The following CLU variants were observed in gnomAD, a reference collection of about 807,000 sequenced individuals.
CLU encodes clusterin, also known as aging-associated protein 4.
A neutral mutation model predicts 46.4 loss-of-function variants in CLU; 25 were observed. The observed-to-expected ratio is 0.54, with a 90% CI of 0.39 to 0.75. The LOEUF is 0.75. Ranked by LOEUF, CLU falls within the 30% of genes least tolerant of loss-of-function variation. CLU has a pLI of 0.00. For synonymous variants in CLU, 235 were observed against 235.1 expected (o/e 1.00, Z 0.00); for missense variants, 504 against 592.1 (o/e 0.85, Z 1.54).
intron 6 of CLU, among the ~76,000 whole-genome samples, chr8:27,600,999 C>T (rs1208834835): frequency 2.6e-5 from 4 of 152,228 alleles, no homozygotes; most frequent in Non-Finnish European, 1.5e-5. Flanking sequence ...TCTTCAGCTC[C>T]TAAGCTTGGG....
In CLU at chr8:27,604,816, T is replaced by A. The variant is rs9331914; in HGVS notation, c.829+108A>T. The A allele has an allele frequency of 2.6e-3, 3,225 of 1,260,516 alleles. 62 individuals are homozygous for A. The East Asian group carries it at 0.029, about 11-fold the overall frequency. 78.1% of individuals were successfully genotyped at this position (1,260,516 alleles called of 1,614,324 possible). A position where few individuals can be genotyped will look rare whatever the true frequency, so the allele number is the denominator to read the frequency against. ...TCTTTAAATAAGGATAATATCACCC[T>A]TGTGATATTGCTGGAGAAAAATCGA... On this transcript the variant is annotated intron_variant, in intron 5 of 8. Transcript: ENST00000316403.
intron 1 of CLU, among the ~76,000 whole-genome samples, chr8:27,612,976 C>T (rs944877460): frequency 2.5e-4 from 25 of 98,276 alleles, no homozygotes; most frequent in African/African-American, 7.8e-4. Context: ...GCAGGGGGGG[C>T]GGGGGGAGCA....
At chr8:27,612,188 T>C (rs565472985) in intron 1 of CLU, among the ~76,000 whole-genome samples, 1 of 152,214 alleles carries the variant, frequency 6.6e-6, no homozygotes, top group East Asian at 1.9e-4. Context: ...ACCCTAGCGG[T>C]GAGGCTGAAG....
chr8:27,599,959 C>T lies in CLU; in HGVS notation c.985G>A (p.Glu329Lys), dbSNP rs1476182021. 2.5e-6 allele frequency: 4 copies of T among 1,614,162 alleles called. No individual in the cohort carries two copies. The highest frequency in any genetic ancestry group is 1.1e-5 in the South Asian group (1 of 91,064). The stretch of plus-strand genomic sequence containing the variant: ...AACCTCTCAGCGACCTGGAGGGATT[C>T]GTCGAGCTCCCGCCGCAGCTTAGCC... ...SQAKLRRELD[E>K]SLQVAERLTR... The change falls in exon 7 of 9, where the codon GAA (glutamate) becomes AAA (lysine). Residue 329 changes from glutamate (E) to lysine (K), a missense_variant. Coordinates refer to ENST00000316403, the MANE Select transcript of CLU (RefSeq NM_001831.4). This position sits in a 1 kb window ranked among gnomAD's most constrained non-coding sequence, Gnocchi z 4.0.
At chr8:27,598,433 G>T in intron 8 of CLU, 27 bp downstream of exon 8, 4 of 1,613,564 alleles carry the variant, frequency 2.5e-6, no homozygotes, top group Non-Finnish European at 3.4e-6. Flanking sequence ...GGCCCTGCAG[G>T]CCCGCAGGAA....
intron 6 of CLU, among the ~76,000 whole-genome samples, chr8:27,601,964 G>A (rs748935688): frequency 1.3e-5 from 2 of 152,004 alleles, no homozygotes; most frequent in African/African-American, 2.4e-5. Context: ...GGCGGTGCAC[G>A]CCTGTAATCC....
chr8:27,598,213 C>A lies in CLU; in HGVS notation c.*28G>T. On this transcript the variant is annotated 3_prime_UTR_variant, in exon 9 of 9. Transcript: ENST00000316403. ...TGGGGGGAGCTGGACTCAGATGCCC[C>A]CGTAGGTGCAAAAGCAACATCCACA... 1.2e-6 allele frequency: 2 copies of A among 1,613,108 alleles called. No individual in the cohort carries two copies. The highest frequency in any genetic ancestry group is 1.7e-6 in the Non-Finnish European group (2 of 1,179,364).
intron 6 of CLU, among the ~76,000 whole-genome samples, chr8:27,603,484 C>T (rs1800758039): frequency 6.6e-6 from 1 of 152,196 alleles, no homozygotes; most frequent in Non-Finnish European, 1.5e-5. Flanking sequence ...ACAATTAACT[C>T]TTTGTGAGTA....
rs1480069180 is a variant in CLU, at chr8:27,597,412, G to T, written c.*829C>A. The T allele has an allele frequency of 2.2e-6, 1 of 454,538 alleles. No individual in the cohort carries two copies. The highest frequency in any genetic ancestry group is 4.4e-6 in the Non-Finnish European group (1 of 226,784). 28.2% of individuals were successfully genotyped at this position (454,538 alleles called of 1,614,324 possible). On this transcript the variant is annotated 3_prime_UTR_variant, in exon 9 of 9. Transcript: ENST00000316403. ...CCTGTGGTCCAGGGAAAGGTATGAA[G>T]ATCATATAAACCGGCGGTGGACAGG...
At chr8:27,614,276 A>G (rs746907927) in intron 1 of CLU, 6 of 167,500 alleles carry the variant, frequency 3.6e-5, no homozygotes, top group Non-Finnish European at 5.1e-5. Flanking sequence ...CGCAGAGGAT[A>G]TGCTGCAGGA....
Position 27,608,569 on chromosome 8 carries a change from A to G in CLU, c.246+369T>C, listed in dbSNP as rs556565250. The G allele has an allele frequency of 1.9e-4, 80 of 430,752 alleles. 1 individual carries two copies. The highest frequency in any genetic ancestry group is 1.4e-3 in the Middle Eastern group (2 of 1,444). 26.7% of individuals were successfully genotyped at this position (430,752 alleles called of 1,614,324 possible). ...CTGTGTGCCTGCCTTAACCCTAACC[A>G]TATCACCCCTATTAGATAAGCTTCC... On this transcript the variant is annotated intron_variant, in intron 3 of 8. Coordinates refer to ENST00000316403, the MANE Select transcript of CLU (RefSeq NM_001831.4).
At position 27,597,425 on chromosome 8, in the gene CLU, G is replaced by C. The variant is rs749136684; in HGVS notation, c.*816C>G. On this transcript the variant is annotated 3_prime_UTR_variant, in exon 9 of 9. Coordinates refer to ENST00000316403, the MANE Select transcript of CLU (RefSeq NM_001831.4). ...GAAAGGTATGAAGATCATATAAACC[G>C]GCGGTGGACAGGAAATGCCACAGTC... The C allele has an allele frequency of 4.4e-6, 2 of 454,494 alleles. No individual in the cohort carries two copies. Among genetic ancestry groups the C allele is most frequent in the South Asian group, 1.6e-5 (1 of 64,472 alleles). 28.2% of individuals were successfully genotyped at this position (454,494 alleles called of 1,614,324 possible). A position where few individuals can be genotyped will look rare whatever the true frequency, so the allele number is the denominator to read the frequency against.
intron 3 of CLU, among the ~76,000 whole-genome samples, chr8:27,607,608 A>G (rs1345149221): frequency 1.3e-5 from 2 of 152,158 alleles, no homozygotes; most frequent in African/African-American, 2.4e-5. Context: ...AGCCACTGTC[A>G]AAAAAGCATA....
In CLU at chr8:27,605,344, G is replaced by A; in HGVS notation, c.418-9C>T. 1.2e-6 allele frequency: 2 copies of A among 1,614,022 alleles called. No homozygotes were observed. Among genetic ancestry groups the A allele is most frequent in the Non-Finnish European group, 1.7e-6 (2 of 1,179,976 alleles). Reference sequence around the variant, plus strand: ...TTCAGGAACTCCTCAAGCTGGGACAGCCAGCATGGGCACAGTTAGGAGAAG... The same window carrying A: ...TTCAGGAACTCCTCAAGCTGGGACAACCAGCATGGGCACAGTTAGGAGAAG... On this transcript the variant is annotated splice_polypyrimidine_tract_variant and intron_variant, in intron 4 of 8. Coordinates refer to ENST00000316403, the MANE Select transcript of CLU (RefSeq NM_001831.4).
intron 3 of CLU, among the ~76,000 whole-genome samples, chr8:27,607,446 C>CA (rs780505916): frequency 2.7e-3 from 369 of 136,468 alleles, no homozygotes; most frequent in Middle Eastern, 0.015. Flanking sequence ...TAGCTTATGG[C>CA]AAAAAAAAAA....
intron 1 of CLU, chr8:27,611,817 A>T (rs1402857081): frequency 2.2e-6 from 1 of 453,236 alleles, no homozygotes; most frequent in Non-Finnish European, 4.4e-6. Context: ...TAGGGGGCGG[A>T]GACCGGGCTC....
intron 6 of CLU, 147 bp from the exon 7 acceptor site, chr8:27,600,156 C>G: frequency 5.8e-6 from 4 of 688,816 alleles, no homozygotes; most frequent in Non-Finnish European, 1.1e-5. Flanking sequence ...GAATTGTCCA[C>G]GACAAAATAA....
At chr8:27,600,740 AAT>A (rs1800705098) in intron 6 of CLU, among the ~76,000 whole-genome samples, 1 of 152,072 alleles carries the variant, frequency 6.6e-6, no homozygotes, top group African/African-American at 2.4e-5. Context: ...AGAGAGGAGG[AAT>A]ATTACTCACA....
intron 6 of CLU, among the ~76,000 whole-genome samples, chr8:27,602,381 T>C (rs1045584178): frequency 6.6e-6 from 1 of 151,758 alleles, no homozygotes; most frequent in Non-Finnish European, 1.5e-5. Context: ...GGTAGGAGGA[T>C]CACTTGAGCC....
Sources: gnomAD v4.1 joint callset for allele counts (sites outside exome capture counted in the v4.1 genomes callset) on GRCh38, gnomAD v4.1.1 for gene constraint, Gnocchi (gnomAD v3.1) non-coding constraint, MANE v1.5 for transcripts, NCBI Gene and HGNC (gene_info 2026-07-23, HGNC 2026-07-21) for gene names.